Variants in MDFIC2 observed in about 807,000 individuals in gnomAD.
MDFIC2 encodes the protein MyoD family inhibitor domain containing 2.
intron 2 of MDFIC2, among the ~76,000 whole-genome samples, chr3:70,287,525 T>A (rs910023357): frequency 6.6e-6 from 1 of 151,930 alleles, no homozygotes; most frequent in African/African-American, 2.4e-5. Context: ...TTCTCTTTTT[T>A]GGTTGTGTCT....
chr3:70,273,385 A>C (rs1465303057), intron 2 of MDFIC2, among the ~76,000 whole-genome samples: 1 of 152,170 alleles, frequency 6.6e-6, no homozygotes, highest in African/African-American at 2.4e-5. Flanking sequence ...TTTAATCCAA[A>C]GGGAAGTCTT....
intron 2 of MDFIC2, among the ~76,000 whole-genome samples, chr3:70,308,650 C>G (rs73104655): frequency 0.19 from 29,394 of 152,016 alleles, 2,956 homozygotes; most frequent in South Asian, 0.28. Context: ...TAATAAGGTC[C>G]TTGAGTGCAG....
At chr3:70,249,160 T>C (rs1388853543) in intron 2 of MDFIC2, 1 of 152,146 alleles carries the variant, frequency 6.6e-6, no homozygotes, top group Non-Finnish European at 1.5e-5. Context: ...TTGGACCAAG[T>C]TCTACATTAG....
intron 2 of MDFIC2, among the ~76,000 whole-genome samples, chr3:70,254,899 T>G (rs1441060158): frequency 6.6e-6 from 1 of 152,242 alleles, no homozygotes; most frequent in Non-Finnish European, 1.5e-5. Flanking sequence ...TCATTGTATT[T>G]CCTTTTCCGA....
rs1701169156 is a variant in MDFIC2 at position 70,195,645 on chromosome 3, T to A, written c.*1281A>T. 6.6e-6 allele frequency among the ~76,000 whole-genome samples: 1 copy of A among 152,202 alleles called. No homozygotes were observed. Among genetic ancestry groups the A allele is most frequent in the East Asian group, 1.9e-4 (1 of 5,198 alleles). On this transcript the variant is annotated 3_prime_UTR_variant, in exon 4 of 4. Coordinates refer to ENST00000567252, the MANE Select transcript of MDFIC2 (RefSeq NM_001364677.1). ...TTACACACAAAAAAATTCCCTCAAT[T>A]CTCCATTTCACTTTTGTGTTCTTTG...
chr3:70,247,553 T>C (rs1257360835), intron 2 of MDFIC2, among the ~76,000 whole-genome samples: 2 of 151,830 alleles, frequency 1.3e-5, no homozygotes, highest in Non-Finnish European at 2.9e-5. Flanking sequence ...TACCAATTTT[T>C]TGATCACATA....
intron 2 of MDFIC2, among the ~76,000 whole-genome samples, chr3:70,306,229 G>A (rs765779582): frequency 9.2e-5 from 14 of 152,028 alleles, no homozygotes; most frequent in Admixed American, 7.2e-4. Context: ...TCAGACTCCC[G>A]AGTAGCTGGG....
At chr3:70,235,386 C>T (rs1416945091) in intron 2 of MDFIC2, among the ~76,000 whole-genome samples, 1 of 152,206 alleles carries the variant, frequency 6.6e-6, no homozygotes, top group African/African-American at 2.4e-5. Context: ...CCACTCACTC[C>T]TTAATCCCTC....
chr3:70,306,486 A>G (rs184828163), intron 2 of MDFIC2, among the ~76,000 whole-genome samples: 41 of 152,146 alleles, frequency 2.7e-4, no homozygotes, highest in Non-Finnish European at 5.3e-4. Context: ...ACTTAATTCA[A>G]AATAACTACA....
intron 2 of MDFIC2, among the ~76,000 whole-genome samples, chr3:70,255,981 C>T (rs1297168972): frequency 2.0e-5 from 3 of 151,718 alleles, no homozygotes; most frequent in Middle Eastern, 6.9e-3. Context: ...CAAGATCTAC[C>T]CACTTTTCTT....
intron 2 of MDFIC2, among the ~76,000 whole-genome samples, chr3:70,228,232 C>T (rs936683209): frequency 1.3e-5 from 2 of 151,968 alleles, no homozygotes; most frequent in Admixed American, 6.6e-5. Flanking sequence ...TCTACTAAAA[C>T]ATTGCAAGCA....
At chr3:70,239,473 G>A (rs962972225) in intron 2 of MDFIC2, among the ~76,000 whole-genome samples, 2 of 152,090 alleles carry the variant, frequency 1.3e-5, no homozygotes, top group African/African-American at 4.8e-5. Flanking sequence ...CTGTCTTGAA[G>A]TTCATGGTTT....
rs142679431 is a variant in MDFIC2, at chr3:70,312,120, A to T, written c.1-147T>A. 911 of 388,624 alleles carry T rather than the reference A, an allele frequency of 2.3e-3. 9 individuals are homozygous for T. The highest frequency in any genetic ancestry group is 0.017 in the African/African-American group (836 of 48,520). 24.1% of individuals were successfully genotyped at this position (388,624 alleles called of 1,614,324 possible). ...GTTCACTGTCCAATGTTAAGTCTTA[A>T]CATTTTATTCATTTGTGTTATTTTA... is the stretch of plus-strand genomic sequence containing the variant. On this transcript the variant is annotated intron_variant, in intron 1 of 3. Coordinates refer to ENST00000567252, the MANE Select transcript of MDFIC2 (RefSeq NM_001364677.1).
intron 2 of MDFIC2, among the ~76,000 whole-genome samples, chr3:70,292,351 A>G (rs1702246854): frequency 1.3e-5 from 2 of 152,284 alleles, no homozygotes; most frequent in South Asian, 2.1e-4. Context: ...TACTATACAT[A>G]TCTTGTTGGC....
intron 2 of MDFIC2, among the ~76,000 whole-genome samples, chr3:70,309,303 A>C (rs1256434135): frequency 6.6e-6 from 1 of 152,190 alleles, no homozygotes; most frequent in Non-Finnish European, 1.5e-5. Flanking sequence ...ACTGCATACC[A>C]CTTTGTTGTA....
chr3:70,283,831 T>C (rs192071894), intron 2 of MDFIC2: 1 of 151,866 alleles, frequency 6.6e-6, no homozygotes, highest in African/African-American at 2.4e-5. Flanking sequence ...AATGTTAACA[T>C]CTGTTAAATC....
chr3:70,250,349 G>C (rs1394494562), intron 2 of MDFIC2, among the ~76,000 whole-genome samples: 1 of 151,662 alleles, frequency 6.6e-6, no homozygotes, highest in African/African-American at 2.4e-5. Context: ...AGGTAATTGA[G>C]AAGTCATGCC....
intron 2 of MDFIC2, among the ~76,000 whole-genome samples, chr3:70,240,215 CAG>C (rs770658325): frequency 6.6e-6 from 1 of 151,974 alleles, no homozygotes; most frequent in Non-Finnish European, 1.5e-5. Flanking sequence ...GGCTTGGTAA[CAG>C]AGCCATCCTG....
intron 2 of MDFIC2, among the ~76,000 whole-genome samples, chr3:70,232,244 G>A (rs1172919724): frequency 2.0e-5 from 3 of 152,158 alleles, no homozygotes; most frequent in Admixed American, 2.0e-4. Context: ...AACAGCTTTG[G>A]ACACACCAAG....
Sources: allele counts gnomAD v4.1 joint callset (sites outside exome capture counted in the v4.1 genomes callset), GRCh38; gene constraint gnomAD v4.1.1; transcripts MANE v1.5; gene names NCBI Gene and HGNC (gene_info 2026-07-23, HGNC 2026-07-21).